Variants in CDH12 observed in about 807,000 individuals in gnomAD.
CDH12 encodes cadherin-12.
CDH12 carries 41 observed loss-of-function variants against 74.1 expected under a neutral mutation model. That is an observed-to-expected ratio of 0.55 (90% confidence interval 0.43 to 0.72). The LOEUF (loss-of-function observed/expected upper bound fraction) is 0.72, where lower values mean the gene tolerates loss of function less well. Ranked by LOEUF, CDH12 falls within the 30% of genes least tolerant of loss-of-function variation. The pLI, the probability that CDH12 is intolerant of heterozygous loss-of-function variation, is 0.00. For synonymous variants in CDH12, 399 were observed against 355.0 expected (o/e 1.12, Z -1.39); for missense variants, 945 against 977.2 (o/e 0.97, Z 0.44).
rs1415766025 is a variant in CDH12, at chr5:21,751,609, AGTGTGTGTGTGTGTGTGTGTGTTTGT to A, written c.*102_*127del. 5.4e-6 allele frequency: 3 copies of A among 555,658 alleles called. No homozygotes were observed. The highest frequency in any genetic ancestry group is 9.0e-6 in the Non-Finnish European group (3 of 332,252). 34.4% of individuals were successfully genotyped at this position (555,658 alleles called of 1,614,324 possible). A position where few individuals can be genotyped will look rare whatever the true frequency, so the allele number is the denominator to read the frequency against. On this transcript the variant is annotated 3_prime_UTR_variant, in exon 15 of 15. Coordinates refer to ENST00000382254, the MANE Select transcript of CDH12 (RefSeq NM_004061.5). ...GGTAATCAAAGGAATCTTGTCCCAG[AGTGTGTGTGTGTGTGTGTGTGTTTGT>A]GTGTGTGTGTGTGTGTGAGAGAGAT... is the stretch of plus-strand genomic sequence containing the variant.
chr5:22,453,760 ACTAT>A (rs1203489322), intron 2 of CDH12, among the ~76,000 whole-genome samples: 2 of 152,156 alleles, frequency 1.3e-5, no homozygotes, highest in East Asian at 3.8e-4. Flanking sequence ...AGAATTGATA[ACTAT>A]CTGAGGTGAT....
At chr5:22,213,200 G>A (rs1169335810) in intron 3 of CDH12, among the ~76,000 whole-genome samples, 1 of 152,020 alleles carries the variant, frequency 6.6e-6, no homozygotes, top group African/African-American at 2.4e-5. Context: ...TGAATTTAAA[G>A]GTTTATTACA....
At chr5:22,807,958 T>C (rs1307599552) in intron 1 of CDH12, among the ~76,000 whole-genome samples, 1 of 152,134 alleles carries the variant, frequency 6.6e-6, no homozygotes, top group Admixed American at 6.5e-5. Flanking sequence ...AAAAATTAAA[T>C]GTATAAAAAA....
intron 3 of CDH12, among the ~76,000 whole-genome samples, chr5:22,350,270 A>T (rs779661307): frequency 2.6e-5 from 4 of 152,210 alleles, no homozygotes; most frequent in Admixed American, 2.0e-4. Context: ...GAAAATACTT[A>T]ATGATATATG....
chr5:22,182,002 C>T (rs1469958561), intron 4 of CDH12, among the ~76,000 whole-genome samples: 1 of 152,194 alleles, frequency 6.6e-6, no homozygotes, highest in Non-Finnish European at 1.5e-5. Flanking sequence ...ACTCCATGCA[C>T]TCTGACTTTT....
At chr5:21,873,635 T>C (rs1204263078) in intron 6 of CDH12, among the ~76,000 whole-genome samples, 3 of 152,226 alleles carry the variant, frequency 2.0e-5, no homozygotes, top group African/African-American at 7.2e-5. Flanking sequence ...AATTTTATTT[T>C]ATTTTACTCT....
At chr5:22,656,656 T>A (rs1021177888) in intron 1 of CDH12, among the ~76,000 whole-genome samples, 2 of 152,228 alleles carry the variant, frequency 1.3e-5, no homozygotes, top group African/African-American at 2.4e-5. Flanking sequence ...ATGTCTACCT[T>A]GTGGACTTAG....
chr5:22,057,732 A>G (rs1030554122), intron 5 of CDH12, among the ~76,000 whole-genome samples: 5 of 152,162 alleles, frequency 3.3e-5, no homozygotes, highest in African/African-American at 9.7e-5. Flanking sequence ...CGAAAGTCAG[A>G]TATTTATAAT....
intron 6 of CDH12, among the ~76,000 whole-genome samples, chr5:21,965,228 G>A (rs185876521): frequency 3.2e-4 from 49 of 152,016 alleles, no homozygotes; most frequent in Middle Eastern, 3.4e-3. Context: ...CTAAGTTTTC[G>A]TGATGCCAAT....
chr5:22,677,464 C>G (rs1224778418), intron 1 of CDH12, among the ~76,000 whole-genome samples: 1 of 152,054 alleles, frequency 6.6e-6, no homozygotes, highest in Non-Finnish European at 1.5e-5. Flanking sequence ...AACCAGTTTC[C>G]TCAAGCCTCA....
intron 7 of CDH12, among the ~76,000 whole-genome samples, chr5:21,844,408 G>A (rs1750045372): frequency 6.6e-6 from 1 of 151,580 alleles, no homozygotes; most frequent in Non-Finnish European, 1.5e-5. Context: ...GTACTTAAAT[G>A]GAAGTGGTGC....
intron 5 of CDH12, among the ~76,000 whole-genome samples, chr5:22,067,684 G>A (rs547322801): frequency 6.6e-6 from 1 of 152,132 alleles, no homozygotes; most frequent in Admixed American, 6.6e-5. Context: ...TACAGCACAG[G>A]CCCTTAGGAT....
At chr5:22,186,430 G>A (rs946401901) in intron 4 of CDH12, among the ~76,000 whole-genome samples, 2 of 152,176 alleles carry the variant, frequency 1.3e-5, no homozygotes, top group Non-Finnish European at 2.9e-5. Flanking sequence ...GTTCAGTAGT[G>A]TGAGAGATAC....
intron 3 of CDH12, among the ~76,000 whole-genome samples, chr5:22,339,387 G>A (rs550187197): frequency 1.3e-5 from 2 of 152,282 alleles, no homozygotes; most frequent in East Asian, 1.9e-4. Context: ...ATATCATGGG[G>A]TTGCTGTAGA....
intron 2 of CDH12, among the ~76,000 whole-genome samples, chr5:22,469,443 C>T (rs1482325151): frequency 2.6e-5 from 4 of 152,140 alleles, no homozygotes; most frequent in African/African-American, 9.7e-5. Flanking sequence ...TTTAAAATCA[C>T]CTTCCAGTTA....
rs1334069677 is a variant in CDH12, at chr5:21,751,836, G to A, written c.2286C>T (p.Asp762=). 1 of 1,614,054 alleles carries A rather than the reference G, an allele frequency of 6.2e-7. No homozygotes were observed. The highest frequency in any genetic ancestry group is 8.5e-7 in the Non-Finnish European group (1 of 1,180,010). ...AGTCTGTCAGATAGTCATAGTCCTGGTCGGCTTCTGTGGTGAGAGAGTCTA... is the reference window on the plus strand; with the variant it reads ...AGTCTGTCAGATAGTCATAGTCCTGATCGGCTTCTGTGGTGAGAGAGTCTA... ...SSIDSLTTEA[D]QDYDYLTDWG... Residue 762 remains aspartate (D), a synonymous_variant, in exon 15 of 15, where the codon GAC becomes GAT. Transcript: ENST00000382254.
At chr5:21,929,382 G>A (rs541225731) in intron 6 of CDH12, among the ~76,000 whole-genome samples, 366 of 151,426 alleles carry the variant, frequency 2.4e-3, no homozygotes, top group South Asian at 4.0e-3. Context: ...TGGGGTGATG[G>A]GAGACAGTGA....
Position 22,525,959 on chromosome 5 carries a change from C to T in CDH12, c.-522-20595G>A, listed in dbSNP as rs151114689. ...AGACAGAAACTTACAGTATTTATCTCTTTGCATGATTCCTTTCAGAACATC... is the reference window on the plus strand; with the variant it reads ...AGACAGAAACTTACAGTATTTATCTTTTTGCATGATTCCTTTCAGAACATC... On this transcript the variant is annotated intron_variant, in intron 1 of 14. Transcript: ENST00000382254. Among the ~76,000 whole-genome samples the T allele has an allele frequency of 6.4e-3, 971 of 152,286 alleles. 23 individuals are homozygous for T. Among genetic ancestry groups the T allele is most frequent in the Admixed American group, 0.05 (765 of 15,278 alleles).
chr5:22,053,523 C>T (rs139206031), intron 5 of CDH12, among the ~76,000 whole-genome samples: 1 of 152,078 alleles, frequency 6.6e-6, no homozygotes, highest in Non-Finnish European at 1.5e-5. Flanking sequence ...CGGTGGCTGC[C>T]ATTCTGGCTT....
Sources: allele counts gnomAD v4.1 joint callset (sites outside exome capture counted in the v4.1 genomes callset), GRCh38; gene constraint gnomAD v4.1.1; transcripts MANE v1.5; gene names NCBI Gene and HGNC (gene_info 2026-07-23, HGNC 2026-07-21).